KTN1: variants seen among roughly 807,000 people sequenced by gnomAD.
KTN1 encodes kinectin 1, also known as kinectin.
In KTN1, 130 loss-of-function variants were observed where a neutral mutation model predicts 222.5. The ratio of observed to expected loss-of-function variants is 0.58; its 90% CI spans 0.51 to 0.68. The LOEUF is 0.68. KTN1 is among the 30% of genes least tolerant of loss of function. KTN1 has a pLI of 0.00. For missense variants in KTN1, 1,508 were observed against 1,500.4 expected, an observed-to-expected ratio of 1.01 and a Z score of -0.08; for synonymous variants, 512 against 496.3, an observed-to-expected ratio of 1.03 and a Z score of -0.42.
At position 55,653,476 on chromosome 14, in the gene KTN1, T is replaced by A; in HGVS notation, c.2764-83T>A. On this transcript the variant is annotated intron_variant, in intron 27 of 43. Coordinates refer to ENST00000395314, the MANE Select transcript of KTN1 (RefSeq NM_001079521.2). ...ATAATTATGTTTTTGTTTTTATTGG[T>A]GGGTGATTCCATATATATGTTTTAG... 3.0e-6 allele frequency: 3 copies of A among 1,012,244 alleles called. No individual in the cohort carries two copies. In the South Asian group the frequency reaches 4.5e-5, roughly 15 times the overall value. The allele number at this position is 1,012,244 out of a possible 1,614,324, so 62.7% of individuals were successfully genotyped here. A position where few individuals can be genotyped will look rare whatever the true frequency, so the allele number is the denominator to read the frequency against.
At chr14:55,631,351 T>TG (rs2040505383) in intron 7 of KTN1, among the ~76,000 whole-genome samples, 2 of 141,662 alleles carry the variant, frequency 1.4e-5, no homozygotes, top group Non-Finnish European at 3.0e-5. Flanking sequence ...GATATATATA[T>TG]ATATATATAT....
intron 1 of KTN1, among the ~76,000 whole-genome samples, chr14:55,595,334 C>T (rs8008528): frequency 0.06 from 9,194 of 152,208 alleles, 384 homozygotes; most frequent in South Asian, 0.09. Context: ...TTTCAAGAGC[C>T]ATTTTGATGA....
At chr14:55,646,915 G>A in intron 18 of KTN1, 58 bp from the exon 19 acceptor site, 1 of 1,052,094 alleles carries the variant, frequency 9.5e-7, no homozygotes, top group Non-Finnish European at 1.5e-6. Flanking sequence ...TTTCTCATCT[G>A]GTTTTACTTC....
At chr14:55,656,004 GTACTT>G (rs1304997477) in intron 28 of KTN1, 33 bp from the exon 29 acceptor site, 1 of 1,246,020 alleles carries the variant, frequency 8.0e-7, no homozygotes, top group Non-Finnish European at 1.1e-6. Flanking sequence ...CCTTTTTTAT[GTACTT>G]TAGTTAATGC....
intron 42 of KTN1, chr14:55,679,320 T>A (rs915580574): frequency 1.1e-5 from 4 of 359,778 alleles, no homozygotes; most frequent in Non-Finnish European, 1.9e-5. Context: ...GATTCTAGAT[T>A]TTTTTTCCTT....
intron 14 of KTN1, 110 bp from the exon 15 acceptor site, chr14:55,640,264 G>A: frequency 1.3e-6 from 1 of 776,016 alleles, no homozygotes; most frequent in Non-Finnish European, 2.1e-6. Flanking sequence ...GATTATTTGG[G>A]AAATTTTGTA....
At chr14:55,649,163 G>C (rs2042688073) in intron 21 of KTN1, among the ~76,000 whole-genome samples, 1 of 152,162 alleles carries the variant, frequency 6.6e-6, no homozygotes, top group South Asian at 2.1e-4. Context: ...CTGGCCTCAA[G>C]TGGTGCTCCC....
chr14:55,582,751 G>A (rs1179883189), intron 1 of KTN1, among the ~76,000 whole-genome samples: 1 of 152,100 alleles, frequency 6.6e-6, no homozygotes, highest in Non-Finnish European at 1.5e-5. Flanking sequence ...GAAGGTTTTG[G>A]TTCTCTTGGG....
At chr14:55,649,634 T>G in intron 21 of KTN1, 142 bp from the exon 22 acceptor site, 1 of 581,924 alleles carries the variant, frequency 1.7e-6, no homozygotes, top group Non-Finnish European at 3.0e-6. Flanking sequence ...ATTATGACAT[T>G]AAAAAAGTCT....
At chr14:55,621,321 A>G (rs1410556276) in intron 5 of KTN1, among the ~76,000 whole-genome samples, 1 of 152,116 alleles carries the variant, frequency 6.6e-6, no homozygotes, top group Non-Finnish European at 1.5e-5. Context: ...CCTGTTACCC[A>G]GTTGTAAAGT....
chr14:55,642,872 A>C (rs2041942734), intron 18 of KTN1, among the ~76,000 whole-genome samples: 1 of 151,640 alleles, frequency 6.6e-6, no homozygotes, highest in African/African-American at 2.4e-5. Flanking sequence ...TGCTGAAGGG[A>C]TGATATTTAG....
Position 55,639,969 on chromosome 14 carries a change from G to A in KTN1, c.1880G>A (p.Arg627His), listed in dbSNP as rs576195441. 45 of 1,608,036 alleles carry A rather than the reference G, an allele frequency of 2.8e-5. No individual in the cohort carries two copies. Among genetic ancestry groups the A allele is most frequent in the Non-Finnish European group, 3.4e-5 (40 of 1,175,200 alleles). Residue 627 changes from arginine to histidine, a missense_variant, in exon 14 of 44, where the codon CGT becomes CAT. Transcript: ENST00000395314. The part of the protein sequence containing the change: ...KQTEDSLASE[R>H]DRLTSKEEEL... ...ACTGAAGATTCTTTAGCAAGTGAAC[G>A]TGATCGTTTAACAAGTAAAGAAGAG... is the stretch of plus-strand genomic sequence containing the variant.
At position 55,594,084 on chromosome 14, in the gene KTN1, A is replaced by G. The variant is rs551635469; in HGVS notation, c.-31+13730A>G. On this transcript the variant is annotated intron_variant, in intron 1 of 43. Coordinates refer to ENST00000395314, the MANE Select transcript of KTN1 (RefSeq NM_001079521.2). ...TTTTGAGTTTAGCCATATCTTTTAA[A>G]TTTCCTTTTATATTCGTGCAAAAGG... Among the ~76,000 whole-genome samples, 6 of 152,262 alleles carry G rather than the reference A, an allele frequency of 3.9e-5. No individual in the cohort carries two copies. In the South Asian group the frequency reaches 1.2e-3, roughly 32 times the overall value.
chr14:55,657,321 G>C (rs1311740192), intron 29 of KTN1, among the ~76,000 whole-genome samples: 1 of 150,612 alleles, frequency 6.6e-6, no homozygotes, highest in Non-Finnish European at 1.5e-5. Flanking sequence ...GAGAAGTTAA[G>C]CATTTTTCGT....
chr14:55,641,655 T>C (rs779507561), intron 17 of KTN1, 37 bp from the exon 18 acceptor site: 1 of 1,288,020 alleles, frequency 7.8e-7, no homozygotes, highest in South Asian at 1.2e-5. Context: ...TTACCTTTTT[T>C]CTTAATAAAA....
At chr14:55,641,587 G>T in intron 17 of KTN1, 105 bp from the exon 18 acceptor site, 2 of 776,738 alleles carry the variant, frequency 2.6e-6, no homozygotes, top group South Asian at 2.9e-5. Flanking sequence ...TCACTTTGAG[G>T]ACTGAAAGCT....
At chr14:55,678,280 A>G in intron 41 of KTN1, 72 bp from the exon 42 acceptor site, 1 of 940,348 alleles carries the variant, frequency 1.1e-6, no homozygotes, top group Non-Finnish European at 1.7e-6. Flanking sequence ...CTACAAAATG[A>G]ATAAAATTAT....
At chr14:55,647,032 A>G (rs1464226883) in intron 19 of KTN1, 25 bp downstream of exon 19, 3 of 1,369,082 alleles carry the variant, frequency 2.2e-6, no homozygotes, top group Admixed American at 3.4e-5. Context: ...TTCTTTTTAT[A>G]TTTTGATGAG....
chr14:55,655,007 T>G (rs2043321002), intron 28 of KTN1, among the ~76,000 whole-genome samples: 1 of 151,786 alleles, frequency 6.6e-6, no homozygotes, highest in Non-Finnish European at 1.5e-5. Context: ...TGGGACAGAG[T>G]CTTTCTCTGT....
Sources: allele counts gnomAD v4.1 joint callset (sites outside exome capture counted in the v4.1 genomes callset), GRCh38; gene constraint gnomAD v4.1.1; transcripts MANE v1.5; gene names NCBI Gene and HGNC (gene_info 2026-07-23, HGNC 2026-07-21).